The following CTNNA2 variants were observed in gnomAD, a reference collection of about 807,000 sequenced individuals.
The protein encoded by CTNNA2 is catenin alpha 2, also known as catenin alpha-2.
CTNNA2 carries 42 observed loss-of-function variants against 101.0 expected under a neutral mutation model. The observed-to-expected ratio is 0.42, with a 90% CI of 0.32 to 0.54. The LOEUF is 0.54. Ranked by LOEUF, CTNNA2 falls within the 20% of genes least tolerant of loss-of-function variation. The probability of loss-of-function intolerance (pLI) is 0.14; values close to 1 mark genes in which losing one functional copy is unlikely to be tolerated. For synonymous variants in CTNNA2, 450 were observed against 456.4 expected (o/e 0.99, Z 0.18); for missense variants, 871 against 1,223.1 (o/e 0.71, Z 4.29).
chr2:80,273,702 C>A (rs1422725246), intron 7 of CTNNA2, among the ~76,000 whole-genome samples: 1 of 152,068 alleles, frequency 6.6e-6, no homozygotes, highest in Non-Finnish European at 1.5e-5. Flanking sequence ...GCCTCAGGAG[C>A]TTTGCAATAG....
In CTNNA2 at chr2:80,302,179, C is replaced by T; in HGVS notation, c.1057-91032C>T. 1.3e-6 allele frequency: 2 copies of T among 1,552,186 alleles called. No homozygotes were observed. Among genetic ancestry groups the T allele is most frequent in the Admixed American group, 3.6e-5 (2 of 55,556 alleles). ...AGAGCACAGACAAGGAGACCCCAGC[C>T]TGGTGCCCGCCGGCCCGTCCCGGCT... On this transcript the variant is annotated intron_variant, in intron 7 of 18. Coordinates refer to ENST00000402739, the MANE Select transcript of CTNNA2 (RefSeq NM_001282597.3). The surrounding 1 kb of genome is among the most constrained non-coding windows in gnomAD (Gnocchi z 6.4).
chr2:79,763,121 C>T (rs1056333854), intron 3 of CTNNA2, among the ~76,000 whole-genome samples: 1 of 152,108 alleles, frequency 6.6e-6, no homozygotes, highest in Non-Finnish European at 1.5e-5. Flanking sequence ...AATAATTTGG[C>T]TCTCCCCTTT....
At chr2:79,715,056 A>T (rs1380656298) in intron 2 of CTNNA2, among the ~76,000 whole-genome samples, 1 of 150,990 alleles carries the variant, frequency 6.6e-6, no homozygotes, top group African/African-American at 2.4e-5. Context: ...AAAAAAAAAA[A>T]ATTAACCAGG....
At chr2:80,322,250 T>G (rs1053523799) in intron 7 of CTNNA2, among the ~76,000 whole-genome samples, 1 of 152,192 alleles carries the variant, frequency 6.6e-6, no homozygotes, top group Non-Finnish European at 1.5e-5. Context: ...TACGTCACTG[T>G]CAATAAAATG....
intron 7 of CTNNA2, among the ~76,000 whole-genome samples, chr2:80,145,525 A>G (rs1419107048): frequency 6.6e-6 from 1 of 152,226 alleles, no homozygotes; most frequent in Non-Finnish European, 1.5e-5. Flanking sequence ...TGCCTACTCC[A>G]TATGGAATAC....
At chr2:80,383,230 C>A (rs1024669423) in intron 7 of CTNNA2, among the ~76,000 whole-genome samples, 1 of 152,214 alleles carries the variant, frequency 6.6e-6, no homozygotes, top group Non-Finnish European at 1.5e-5. Context: ...GTGCCAACTA[C>A]TTCCTATGGC....
intron 7 of CTNNA2, among the ~76,000 whole-genome samples, chr2:80,354,205 CAAAT>C (rs1196388321): frequency 1.3e-5 from 2 of 151,932 alleles, no homozygotes; most frequent in Non-Finnish European, 2.9e-5. Flanking sequence ...TTGAAAGAAA[CAAAT>C]AAGACAGAAA....
chr2:79,668,424 A>C (rs891968146), intron 2 of CTNNA2, among the ~76,000 whole-genome samples: 3 of 103,714 alleles, frequency 2.9e-5, no homozygotes, highest in African/African-American at 7.8e-5. Flanking sequence ...AAACTCTGTT[A>C]GTTTTTTTTA....
intron 3 of CTNNA2, among the ~76,000 whole-genome samples, chr2:79,849,680 A>T (rs942038606): frequency 2.0e-5 from 3 of 152,198 alleles, no homozygotes; most frequent in African/African-American, 7.2e-5. Flanking sequence ...GAAGCAAAGG[A>T]GTTGCTCCTT....
chr2:79,768,300 G>A (rs1171707355), intron 3 of CTNNA2, among the ~76,000 whole-genome samples: 1 of 151,276 alleles, frequency 6.6e-6, no homozygotes, highest in African/African-American at 2.4e-5. Flanking sequence ...TGCCTGAAGA[G>A]AAAAGTCTCA....
At chr2:79,236,064 C>G (rs1189105811) in intron 2 of CTNNA2, among the ~76,000 whole-genome samples, 1 of 152,104 alleles carries the variant, frequency 6.6e-6, no homozygotes, top group Non-Finnish European at 1.5e-5. Flanking sequence ...CCCAGGGAAA[C>G]AGGAGGATAC....
intron 7 of CTNNA2, among the ~76,000 whole-genome samples, chr2:80,141,660 A>G (rs56787775): frequency 0.26 from 39,510 of 151,668 alleles, 6,629 homozygotes; most frequent in African/African-American, 0.47. Flanking sequence ...AGCAGGGATC[A>G]CTCTTAGGGG....
Position 80,647,770 on chromosome 2 carries a change from A to C in CTNNA2, c.2760A>C (p.Glu920Asp). 6.2e-7 allele frequency: 1 copy of C among 1,613,652 alleles called. No homozygotes were observed. The highest frequency in any genetic ancestry group is 8.5e-7 in the Non-Finnish European group (1 of 1,179,624). ...AGAAGAAGCCCCTTGTGAAGAGAGA[A>C]AAGCCTGAAGAATTCCAGACACGAG... ...APEKKPLVKR[E>D]KPEEFQTRVR... is the part of the protein sequence containing the mutation. The change falls in exon 19 of 19, where the codon GAA (glutamate) becomes GAC (aspartate). Residue 920 changes from glutamate (E) to aspartate (D), a missense_variant. Transcript: ENST00000402739.
At chr2:80,533,815 A>G (rs544445444) in intron 9 of CTNNA2, among the ~76,000 whole-genome samples, 2 of 152,322 alleles carry the variant, frequency 1.3e-5, no homozygotes, top group African/African-American at 2.4e-5. Flanking sequence ...AAATCCCCTG[A>G]TGCCTTTAGT....
rs1402054665 is a variant in CTNNA2 at position 79,444,285 on chromosome 2, G to C, written c.-134-60769G>C. On this transcript the variant is annotated intron_variant, in intron 4 of 21. Coordinates refer to the CTNNA2 transcript ENST00000466387. Reference sequence around the variant, plus strand: ...AATAGATAACTAGTGTATATAAATAGTATGATATTTGACTTTTTTCCCAAG... The same window carrying C: ...AATAGATAACTAGTGTATATAAATACTATGATATTTGACTTTTTTCCCAAG... Among the ~76,000 whole-genome samples, 3 of 152,082 alleles carry C rather than the reference G, an allele frequency of 2.0e-5. No individual in the cohort carries two copies. In the East Asian group the frequency reaches 5.8e-4, roughly 29 times the overall value.
At chr2:79,882,795 C>T (rs146947175) in intron 6 of CTNNA2, among the ~76,000 whole-genome samples, 2 of 152,338 alleles carry the variant, frequency 1.3e-5, no homozygotes, top group East Asian at 1.9e-4. Context: ...TGAGAATCTG[C>T]GTAGCTCTGG....
At chr2:80,179,098 A>G (rs1478223158) in intron 7 of CTNNA2, among the ~76,000 whole-genome samples, 3 of 152,230 alleles carry the variant, frequency 2.0e-5, no homozygotes, top group Non-Finnish European at 4.4e-5. Context: ...GCTGGTCTTG[A>G]CAGCTGAAGG....
chr2:80,347,722 T>C (rs1672873016), intron 7 of CTNNA2, among the ~76,000 whole-genome samples: 1 of 152,150 alleles, frequency 6.6e-6, no homozygotes, highest in Non-Finnish European at 1.5e-5. Context: ...AGCAGTAGCA[T>C]CAGAATACCC....
At chr2:80,226,953 C>T (rs1185297127) in intron 7 of CTNNA2, among the ~76,000 whole-genome samples, 1 of 152,088 alleles carries the variant, frequency 6.6e-6, no homozygotes, top group African/African-American at 2.4e-5. Context: ...GTTCCTCCTG[C>T]TTATAGAAGC....
Sources: allele counts gnomAD v4.1 joint callset (sites outside exome capture counted in the v4.1 genomes callset), GRCh38; gene constraint gnomAD v4.1.1; non-coding constraint Gnocchi (gnomAD v3.1); transcripts MANE v1.5; gene names NCBI Gene and HGNC (gene_info 2026-07-23, HGNC 2026-07-21).